CNIH3: variants seen among roughly 807,000 people sequenced by gnomAD.
CNIH3 encodes the protein cornichon family AMPA receptor auxiliary protein 3.
In CNIH3, 14 loss-of-function variants were observed where a neutral mutation model predicts 24.1. The observed-to-expected ratio is 0.58, with a 90% CI of 0.38 to 0.91. The LOEUF (loss-of-function observed/expected upper bound fraction) is 0.91, where lower values mean the gene tolerates loss of function less well. Ranked by LOEUF, CNIH3 falls within the 40% of genes least tolerant of loss-of-function variation. The pLI, the probability that CNIH3 is intolerant of heterozygous loss-of-function variation, is 0.00. For synonymous variants in CNIH3, 68 were observed against 73.8 expected, an observed-to-expected ratio of 0.92 and a Z score of 0.40; for missense variants, 178 against 196.8, an observed-to-expected ratio of 0.90 and a Z score of 0.57.
At chr1:224,557,528 C>T (rs529775893) in intron 3 of CNIH3, among the ~76,000 whole-genome samples, 11 of 152,244 alleles carry the variant, frequency 7.2e-5, no homozygotes, top group African/African-American at 2.2e-4. Flanking sequence ...TACAGCAGCA[C>T]GATCTCAGCT....
At chr1:224,583,165 C>T (rs530132231) in exon 5 of CNIH3, 6 of 152,184 alleles carry the variant, frequency 3.9e-5, no homozygotes, top group Non-Finnish European at 5.9e-5. Flanking sequence ...TGTCCCCAGG[C>T]ACATGCAAAG....
chr1:224,616,595 C>G lies in CNIH3; in HGVS notation c.-580C>G. 1.0e-6 allele frequency: 1 copy of G among 986,664 alleles called. No homozygotes were observed. Among genetic ancestry groups the G allele is most frequent in the Non-Finnish European group, 1.2e-6 (1 of 830,854 alleles). 61.1% of individuals were successfully genotyped at this position (986,664 alleles called of 1,614,324 possible). On this transcript the variant is annotated 5_prime_UTR_variant, in exon 1 of 6. Coordinates refer to ENST00000272133, the MANE Select transcript of CNIH3 (RefSeq NM_152495.2). Reference sequence around the variant, plus strand: ...AGGACCAACGGGACCTACCTCCTCCCGGCTACCTAAAGACTCCTTCTCTCG... The same window carrying G: ...AGGACCAACGGGACCTACCTCCTCCGGGCTACCTAAAGACTCCTTCTCTCG...
intron 4 of CNIH3, chr1:224,575,537 TG>T (rs1681001239): frequency 2.1e-6 from 1 of 484,400 alleles, no homozygotes; most frequent in Admixed American, 3.3e-5. Flanking sequence ...TCTAGCTTGA[TG>T]TTGGATCTGA....
intron 1 of CNIH3, among the ~76,000 whole-genome samples, chr1:224,627,161 CA>C (rs1189689975): frequency 6.6e-6 from 1 of 152,102 alleles, no homozygotes; most frequent in Admixed American, 6.5e-5. Flanking sequence ...ACCATGAAAG[CA>C]GAAAAAAGTC....
At chr1:224,529,638 A>G (rs1424921610) in intron 2 of CNIH3, among the ~76,000 whole-genome samples, 2 of 152,164 alleles carry the variant, frequency 1.3e-5, no homozygotes, top group Non-Finnish European at 2.9e-5. Context: ...GTGAAACTCA[A>G]ATGCTAATGG....
At chr1:224,484,812 T>G (rs998490762) in intron 1 of CNIH3, among the ~76,000 whole-genome samples, 1 of 152,230 alleles carries the variant, frequency 6.6e-6, no homozygotes, top group Admixed American at 6.5e-5. Flanking sequence ...TTTTATAGTT[T>G]TAATCTCTAG....
At chr1:224,657,545 C>T (rs1189524987) in intron 1 of CNIH3, among the ~76,000 whole-genome samples, 1 of 152,046 alleles carries the variant, frequency 6.6e-6, no homozygotes, top group Admixed American at 6.6e-5. Flanking sequence ...CAAAAACAAT[C>T]GGCAATATTT....
intron 3 of CNIH3, among the ~76,000 whole-genome samples, chr1:224,726,026 C>T (rs776668002): frequency 1.3e-5 from 2 of 152,132 alleles, no homozygotes; most frequent in Non-Finnish European, 2.9e-5. Flanking sequence ...TGAGAGGATA[C>T]ATAACTAGAA....
chr1:224,482,077 G>T (rs1252621877), intron 1 of CNIH3, among the ~76,000 whole-genome samples: 1 of 152,156 alleles, frequency 6.6e-6, no homozygotes, highest in South Asian at 2.1e-4. Flanking sequence ...TAAGGCCCAA[G>T]GCTGTTCAGT....
At chr1:224,696,811 G>A (rs759639808) in intron 3 of CNIH3, among the ~76,000 whole-genome samples, 89 of 151,998 alleles carry the variant, frequency 5.9e-4, no homozygotes, top group Non-Finnish European at 1.2e-3. Context: ...TGGTGTGTCA[G>A]TTGTGAAGAC....
At chr1:224,478,400 G>A (rs1037837747) in intron 1 of CNIH3, among the ~76,000 whole-genome samples, 5 of 151,818 alleles carry the variant, frequency 3.3e-5, no homozygotes, top group East Asian at 1.9e-4. Context: ...TCAAGCTTAC[G>A]GATTCTTTTT....
chr1:224,688,408 A>G (rs1686763486), intron 3 of CNIH3, among the ~76,000 whole-genome samples: 1 of 152,084 alleles, frequency 6.6e-6, no homozygotes, highest in Non-Finnish European at 1.5e-5. Flanking sequence ...CCAGTTCTGG[A>G]TGGTCAGCAA....
intron 3 of CNIH3, among the ~76,000 whole-genome samples, chr1:224,563,324 G>T (rs773393620): frequency 6.6e-5 from 10 of 152,124 alleles, no homozygotes; most frequent in South Asian, 6.2e-4. Flanking sequence ...ATTTTTGGGG[G>T]GTTATGGATA....
At position 224,738,734 on chromosome 1, in the gene CNIH3, C is replaced by T. The variant is rs532369980; in HGVS notation, c.456-595C>T. 5.9e-5 allele frequency among the ~76,000 whole-genome samples: 9 copies of T among 152,208 alleles called. 1 individual carries two copies. The South Asian group carries it at 1.9e-3, about 32-fold the overall frequency. The stretch of plus-strand genomic sequence containing the variant: ...CACCCCACTCTTAGTAGTATTGGGG[C>T]AATACTTTAGGTCACACACTTTTAA... On this transcript the variant is annotated intron_variant, in intron 5 of 5. Transcript: ENST00000272133.
chr1:224,600,896 G>A (rs1682179045), intron 3 of CNIH3, among the ~76,000 whole-genome samples: 1 of 152,296 alleles, frequency 6.6e-6, no homozygotes, highest in Admixed American at 6.5e-5. Context: ...ACAGAAGAAA[G>A]GTTATGTGAA....
At chr1:224,702,122 G>A (rs1687526543) in intron 3 of CNIH3, among the ~76,000 whole-genome samples, 1 of 151,956 alleles carries the variant, frequency 6.6e-6, no homozygotes, top group Non-Finnish European at 1.5e-5. Flanking sequence ...CCTAATAATG[G>A]AAAAGTTGTT....
chr1:224,465,470 A>G (rs1043499847), intron 1 of CNIH3, among the ~76,000 whole-genome samples: 1 of 152,200 alleles, frequency 6.6e-6, no homozygotes, highest in African/African-American at 2.4e-5. Context: ...CACTTCACAC[A>G]TAACATAAGT....
chr1:224,736,285 C>T (rs1038310346), intron 5 of CNIH3, among the ~76,000 whole-genome samples: 36 of 151,934 alleles, frequency 2.4e-4, no homozygotes, highest in East Asian at 5.9e-4. Context: ...CCACCATGCT[C>T]GGCTAATTTT....
At chr1:224,685,015 G>C (rs1686586180) in intron 3 of CNIH3, among the ~76,000 whole-genome samples, 172 bp downstream of exon 3, 2 of 152,204 alleles carry the variant, frequency 1.3e-5, no homozygotes, top group Admixed American at 6.5e-5. Context: ...GAAACCTCCA[G>C]AGACAAGAGG....
Sources: gnomAD v4.1 joint callset for allele counts (sites outside exome capture counted in the v4.1 genomes callset) on GRCh38, gnomAD v4.1.1 for gene constraint, MANE v1.5 for transcripts, NCBI Gene and HGNC (gene_info 2026-07-23, HGNC 2026-07-21) for gene names.